CAMKMT: variants seen among roughly 807,000 people sequenced by gnomAD.
The protein encoded by CAMKMT is CaM KMT.
A neutral mutation model predicts 48.0 loss-of-function variants in CAMKMT; 53 were observed. That is an observed-to-expected ratio of 1.10 (90% CI 0.89 to 1.39). CAMKMT has a LOEUF of 1.39. Among genes scored for constraint, CAMKMT ranks in the 40% most tolerant of loss-of-function variants. The pLI is 0.00. For missense variants in CAMKMT, 428 were observed against 402.7 expected (o/e 1.06, Z -0.54); for synonymous variants, 165 against 152.3 (o/e 1.08, Z -0.61).
At chr2:44,584,908 A>T (rs1023898532) in intron 3 of CAMKMT, among the ~76,000 whole-genome samples, 3 of 151,978 alleles carry the variant, frequency 2.0e-5, no homozygotes, top group Admixed American at 6.6e-5. Flanking sequence ...CAAAAAAATT[A>T]TCCGGGCGTG....
At chr2:44,410,445 A>C (rs535084975) in intron 3 of CAMKMT, among the ~76,000 whole-genome samples, 2 of 149,358 alleles carry the variant, frequency 1.3e-5, no homozygotes, top group East Asian at 3.9e-4. Context: ...ATTTTTAGTA[A>C]AGATGGGGTT....
Position 44,589,552 on chromosome 2 carries a change from C to G in CAMKMT, c.377-114731C>G, listed in dbSNP as rs544878825. Among the ~76,000 whole-genome samples the G allele has an allele frequency of 8.1e-4, 59 of 72,572 alleles. 17 individuals carry two copies. The highest frequency in any genetic ancestry group is 1.6e-3 in the Non-Finnish European group (54 of 33,868). The allele number at this position is 72,572 out of a possible 152,430, so 47.6% of individuals were successfully genotyped here. ...TTGTTCTGTACTAAGAAAAATTCTT[C>G]TGCCTTGGGATCCTGTTGATCTGTG... is the stretch of plus-strand genomic sequence containing the variant. On this transcript the variant is annotated intron_variant, in intron 3 of 10. Transcript: ENST00000378494.
At chr2:44,431,984 A>G (rs914669081) in intron 3 of CAMKMT, among the ~76,000 whole-genome samples, 9 of 152,208 alleles carry the variant, frequency 5.9e-5, no homozygotes, top group Admixed American at 5.9e-4. Context: ...GCTCAGGTAT[A>G]GGCAGAAAAC....
chr2:44,453,486 C>G (rs960925104), intron 3 of CAMKMT, among the ~76,000 whole-genome samples: 2 of 152,012 alleles, frequency 1.3e-5, no homozygotes, highest in African/African-American at 2.4e-5. Flanking sequence ...TGCTGTAGTG[C>G]TTTGACAGCC....
chr2:44,448,646 G>A (rs994089824), intron 3 of CAMKMT, among the ~76,000 whole-genome samples: 6 of 152,128 alleles, frequency 3.9e-5, no homozygotes, highest in Admixed American at 2.0e-4. Context: ...AAGAACACAC[G>A]TGTAAGTAAT....
At chr2:44,379,094 G>C (rs1679985211) in intron 2 of CAMKMT, among the ~76,000 whole-genome samples, 1 of 152,082 alleles carries the variant, frequency 6.6e-6, no homozygotes, top group Non-Finnish European at 1.5e-5. Flanking sequence ...TCTAGTCCCT[G>C]GCAACCAGTA....
intron 8 of CAMKMT, 76 bp downstream of exon 8, chr2:44,743,772 C>G (rs565662597): frequency 1.1e-5 from 12 of 1,138,508 alleles, no homozygotes; most frequent in Admixed American, 2.1e-5. Context: ...TGTTGCTTAG[C>G]TGACGGCTAA....
intron 3 of CAMKMT, among the ~76,000 whole-genome samples, chr2:44,637,653 C>T (rs1370455818): frequency 6.6e-6 from 1 of 152,030 alleles, no homozygotes; most frequent in African/African-American, 2.4e-5. Flanking sequence ...GTGAACCTCT[C>T]CCTATGTCAG....
chr2:44,644,975 A>G (rs970169299), intron 3 of CAMKMT, among the ~76,000 whole-genome samples: 1 of 152,222 alleles, frequency 6.6e-6, no homozygotes, highest in African/African-American at 2.4e-5. Context: ...TTGTATTGAA[A>G]GATATAAAAA....
intron 3 of CAMKMT, among the ~76,000 whole-genome samples, chr2:44,431,597 G>GA (rs1684653592): frequency 6.6e-6 from 1 of 152,036 alleles, no homozygotes; most frequent in Non-Finnish European, 1.5e-5. Flanking sequence ...TCTTCTGATG[G>GA]AAAAAATGAA....
chr2:44,706,427 AC>A, intron 5 of CAMKMT, 86 bp downstream of exon 5: 1 of 1,312,586 alleles, frequency 7.6e-7, no homozygotes, highest in Admixed American at 1.7e-5. Context: ...GGGTCAGAGA[AC>A]CGTCAACAGC....
intron 3 of CAMKMT, among the ~76,000 whole-genome samples, chr2:44,416,589 T>G (rs1350922460): frequency 2.7e-5 from 4 of 148,168 alleles, no homozygotes; most frequent in Non-Finnish European, 3.0e-5. Flanking sequence ...TTTTTTTTTT[T>G]TTGAGATGGA....
chr2:44,736,707 T>C (rs1269890825), intron 7 of CAMKMT, among the ~76,000 whole-genome samples: 1 of 152,200 alleles, frequency 6.6e-6, no homozygotes, highest in Non-Finnish European at 1.5e-5. Flanking sequence ...TTTTTCTCCA[T>C]ATATTTCATT....
At chr2:44,728,085 G>T (rs1381229237) in intron 7 of CAMKMT, among the ~76,000 whole-genome samples, 1 of 151,952 alleles carries the variant, frequency 6.6e-6, no homozygotes, top group African/African-American at 2.4e-5. Flanking sequence ...ACCACACCAG[G>T]GTATTTTTAT....
At position 44,631,638 on chromosome 2, in the gene CAMKMT, C is replaced by G. The variant is rs976400452; in HGVS notation, c.377-72645C>G. 8.7e-5 allele frequency: 38 copies of G among 438,368 alleles called. 1 individual carries two copies. The Admixed American group carries it at 1.4e-3, about 16-fold the overall frequency. 27.2% of individuals were successfully genotyped at this position (438,368 alleles called of 1,614,324 possible). A position where few individuals can be genotyped will look rare whatever the true frequency, so the allele number is the denominator to read the frequency against. ...CTTGCGGACAGTTGTATAGTTGGGT[C>G]TTGGATTTTGAGCCCATCTGACAAG... On this transcript the variant is annotated intron_variant, in intron 3 of 10. Transcript: ENST00000378494.
chr2:44,755,839 G>A (rs1295419445), intron 9 of CAMKMT, among the ~76,000 whole-genome samples: 2 of 152,154 alleles, frequency 1.3e-5, no homozygotes, highest in Non-Finnish European at 2.9e-5. Context: ...AGAGAAGGGT[G>A]AGGCAGGGCC....
At chr2:44,574,633 ATT>A (rs36097066) in intron 3 of CAMKMT, among the ~76,000 whole-genome samples, 27 of 149,510 alleles carry the variant, frequency 1.8e-4, no homozygotes, top group South Asian at 4.2e-4. Flanking sequence ...ACAAGCTATG[ATT>A]TTTTTTTTTT....
chr2:44,623,710 G>T (rs1207992741), intron 3 of CAMKMT, among the ~76,000 whole-genome samples: 3 of 152,036 alleles, frequency 2.0e-5, no homozygotes, highest in African/African-American at 7.2e-5. Flanking sequence ...GAGTTTTAAT[G>T]AATGTATATA....
At chr2:44,370,355 A>T (rs1679033176) in intron 1 of CAMKMT, among the ~76,000 whole-genome samples, 1 of 152,196 alleles carries the variant, frequency 6.6e-6, no homozygotes, top group Non-Finnish European at 1.5e-5. Flanking sequence ...TTTTTGAAAT[A>T]GTTTAGACTA....
Sources: gnomAD v4.1 joint callset for allele counts (sites outside exome capture counted in the v4.1 genomes callset) on GRCh38, gnomAD v4.1.1 for gene constraint, MANE v1.5 for transcripts, NCBI Gene and HGNC (gene_info 2026-07-23, HGNC 2026-07-21) for gene names.